GALNT13: variants seen among roughly 807,000 people sequenced by gnomAD.
GALNT13 encodes polypeptide N-acetylgalactosaminyltransferase 13.
Under a neutral mutation model 64.2 loss-of-function variants are expected in GALNT13, and 28 were observed. The ratio of observed to expected loss-of-function variants is 0.44; its 90% CI spans 0.32 to 0.60. The LOEUF (loss-of-function observed/expected upper bound fraction) is 0.60. Among genes scored for constraint, GALNT13 ranks in the 20% least tolerant of loss-of-function variants. The pLI is 0.05. For missense variants in GALNT13, 577 were observed against 669.8 expected, an observed-to-expected ratio of 0.86 and a Z score of 1.53; for synonymous variants, 214 against 224.6, an observed-to-expected ratio of 0.95 and a Z score of 0.42.
chr2:154,113,109 C>T (rs1396800671), intron 3 of GALNT13, among the ~76,000 whole-genome samples: 1 of 152,146 alleles, frequency 6.6e-6, no homozygotes, highest in East Asian at 1.9e-4. Context: ...ATTCAGTTTC[C>T]ACCAAAGCCC....
chr2:153,764,650 G>C, the GALNT13 span, among the ~76,000 whole-genome samples: 30 of 152,334 alleles, frequency 2.0e-4, no homozygotes, highest in South Asian at 6.0e-3. Flanking sequence ...GCAGAAATTG[G>C]CATAAGTAAG....
chr2:153,380,345 A>C, the GALNT13 span, among the ~76,000 whole-genome samples: 1 of 152,270 alleles, frequency 6.6e-6, no homozygotes, highest in South Asian at 2.1e-4. Flanking sequence ...ATGGTGATGC[A>C]TGCTTGTAGT....
At chr2:153,473,175 TTAAAAG>T in the GALNT13 span, among the ~76,000 whole-genome samples, 1 of 151,780 alleles carries the variant, frequency 6.6e-6, no homozygotes, top group African/African-American at 2.4e-5. Context: ...ACCCCAAAAC[TTAAAAG>T]TATAATAACA....
the GALNT13 span, among the ~76,000 whole-genome samples, chr2:153,277,335 T>G: frequency 6.6e-6 from 1 of 152,190 alleles, no homozygotes; most frequent in Non-Finnish European, 1.5e-5. Flanking sequence ...GTTAATTTGC[T>G]TAGGATATCG....
At chr2:154,394,300 G>T (rs1360038906) in intron 9 of GALNT13, among the ~76,000 whole-genome samples, 1 of 151,928 alleles carries the variant, frequency 6.6e-6, no homozygotes, top group Non-Finnish European at 1.5e-5. Context: ...ATTTCATGAC[G>T]TGAAAATTAT....
At chr2:154,301,611 C>A (rs564794306) in intron 9 of GALNT13, 22 bp downstream of exon 9, 12 of 1,525,712 alleles carry the variant, frequency 7.9e-6, no homozygotes, top group Non-Finnish European at 1.0e-5. Context: ...TGACATTTTT[C>A]TTTCTCTACA....
chr2:153,499,684 G>C, the GALNT13 span, among the ~76,000 whole-genome samples: 9 of 152,232 alleles, frequency 5.9e-5, no homozygotes, highest in Non-Finnish European at 1.2e-4. Flanking sequence ...AGGGGGCAGG[G>C]GGCTGGCATG....
the GALNT13 span, among the ~76,000 whole-genome samples, chr2:153,376,042 C>T: frequency 6.6e-6 from 1 of 152,108 alleles, no homozygotes; most frequent in South Asian, 2.1e-4. Context: ...CCTGCCCACT[C>T]ACAGGGAGAG....
At chr2:154,438,901 C>G (rs1178548463) in intron 12 of GALNT13, among the ~76,000 whole-genome samples, 175 bp downstream of exon 12, 1 of 152,026 alleles carries the variant, frequency 6.6e-6, no homozygotes, top group Non-Finnish European at 1.5e-5. Context: ...ACAGGTTTCA[C>G]CAAATTGGTC....
the GALNT13 span, among the ~76,000 whole-genome samples, chr2:153,451,615 G>A: frequency 3.9e-5 from 6 of 152,190 alleles, no homozygotes; most frequent in African/African-American, 1.2e-4. Context: ...AATGCACTCC[G>A]ATGTGCTCCA....
At chr2:154,359,922 C>T (rs2105281856) in intron 9 of GALNT13, among the ~76,000 whole-genome samples, 1 of 152,212 alleles carries the variant, frequency 6.6e-6, no homozygotes, top group Non-Finnish European at 1.5e-5. Flanking sequence ...CTAAGGCAAT[C>T]TGTTAAGGTA....
At chr2:153,155,324 G>T in the GALNT13 span, among the ~76,000 whole-genome samples, 1 of 152,134 alleles carries the variant, frequency 6.6e-6, no homozygotes, top group African/African-American at 2.4e-5. Flanking sequence ...ACTTCTGGTA[G>T]AATTCAGCTG....
At chr2:154,145,096 C>A (rs866107950) in intron 4 of GALNT13, among the ~76,000 whole-genome samples, 19,359 of 121,208 alleles carry the variant, frequency 0.16, 1,802 homozygotes, top group East Asian at 0.44. Context: ...ATCTATCTAT[C>A]TATCTATATA....
chr2:154,287,237 G>C, intron 8 of GALNT13: 1 of 1,095,238 alleles, frequency 9.1e-7, no homozygotes, highest in Non-Finnish European at 1.4e-6. Flanking sequence ...GAAGAAGGCA[G>C]CCATCATCTT....
intron 4 of GALNT13, among the ~76,000 whole-genome samples, chr2:154,152,060 G>A (rs1684066953): frequency 6.6e-6 from 1 of 152,162 alleles, no homozygotes; most frequent in African/African-American, 2.4e-5. Context: ...TTTTTGCAGT[G>A]GCTGGTACCG....
chr2:153,942,257 A>G (rs966375788), intron 2 of GALNT13, among the ~76,000 whole-genome samples: 1 of 152,182 alleles, frequency 6.6e-6, no homozygotes, highest in Non-Finnish European at 1.5e-5. Context: ...ACCTAAGGTC[A>G]TCCCTTTATT....
At chr2:154,176,954 A>C (rs1218208656) in intron 4 of GALNT13, among the ~76,000 whole-genome samples, 1 of 152,206 alleles carries the variant, frequency 6.6e-6, no homozygotes, top group Non-Finnish European at 1.5e-5. Flanking sequence ...CTGCAACTGC[A>C]TGGGAACTTA....
chr2:153,078,046 T>C, the GALNT13 span, among the ~76,000 whole-genome samples: 1 of 152,174 alleles, frequency 6.6e-6, no homozygotes, highest in East Asian at 1.9e-4. Context: ...TTGCTAAATG[T>C]AGGCCTTGGT....
At chr2:154,395,879 A>G (rs986619350) in intron 9 of GALNT13, 112 bp from the exon 10 acceptor site, 3 of 938,120 alleles carry the variant, frequency 3.2e-6, no homozygotes, top group Non-Finnish European at 3.0e-6. Context: ...TGCATATGCA[A>G]TTGAATTTGC....
Sources: gnomAD v4.1 joint callset for allele counts (sites outside exome capture counted in the v4.1 genomes callset) on GRCh38, gnomAD v4.1.1 for gene constraint, MANE v1.5 for transcripts, NCBI Gene and HGNC (gene_info 2026-07-23, HGNC 2026-07-21) for gene names.